The following CSMD3 variants were observed in gnomAD, a reference collection of about 807,000 sequenced individuals.
CSMD3 encodes the protein CUB and sushi domain-containing protein 3.
In CSMD3, 177 loss-of-function variants were observed where a neutral mutation model predicts 435.2. The ratio of observed to expected loss-of-function variants is 0.41; its 90% CI spans 0.36 to 0.46. The LOEUF is 0.46. Among genes scored for constraint, CSMD3 ranks in the 20% least tolerant of loss-of-function variants. The pLI is 0.34. For synonymous variants in CSMD3, 1,656 were observed against 1,520.5 expected (o/e 1.09, Z -2.07); for missense variants, 4,265 against 4,504.6 (o/e 0.95, Z 1.52).
intron 24 of CSMD3, 118 bp downstream of exon 24, chr8:112,573,383 A>G: frequency 1.1e-6 from 1 of 921,618 alleles, no homozygotes; most frequent in Non-Finnish European, 1.8e-6. Flanking sequence ...ATATATGTAG[A>G]AAGGAGCTGT....
In CSMD3 at chr8:112,548,859, TAA is replaced by T. The variant is rs913708309; in HGVS notation, c.4564+1810_4564+1811del. Among the ~76,000 whole-genome samples the T allele has an allele frequency of 2.8e-4, 42 of 152,078 alleles. 2 individuals are homozygous for T. Among genetic ancestry groups the T allele is most frequent in the Admixed American group, 2.6e-3 (39 of 15,250 alleles). On this transcript the variant is annotated intron_variant, in intron 27 of 70. Transcript: ENST00000297405. ...GCTCAGATCAAATTTCTATTCATCT[TAA>T]AAAAAACTTATGAAGGCAGAGTTAT...
At chr8:112,988,387 T>C (rs1350045982) in intron 6 of CSMD3, among the ~76,000 whole-genome samples, 2 of 152,084 alleles carry the variant, frequency 1.3e-5, no homozygotes, top group Non-Finnish European at 2.9e-5. Context: ...CAATAGCTTA[T>C]TTTTGCTTGT....
intron 1 of CSMD3, among the ~76,000 whole-genome samples, chr8:113,369,102 T>A (rs2094331570): frequency 1.3e-5 from 2 of 152,010 alleles, no homozygotes; most frequent in Admixed American, 6.6e-5. Context: ...ATTCCTGAGA[T>A]CAGCATATCT....
At chr8:112,248,691 G>T (rs1814985528) in intron 63 of CSMD3, among the ~76,000 whole-genome samples, 1 of 152,108 alleles carries the variant, frequency 6.6e-6, no homozygotes, top group Non-Finnish European at 1.5e-5. Flanking sequence ...TTGATACCAA[G>T]ATTCCATTTG....
rs982769566 is a variant in CSMD3, at chr8:113,293,218, TATATATTTATATATATAC to T, written c.402-14532_402-14515del. Among the ~76,000 whole-genome samples the T allele has an allele frequency of 5.2e-5, 7 of 134,656 alleles. No homozygotes were observed. In the East Asian group the frequency reaches 1.0e-3, roughly 19 times the overall value. 88.3% of individuals were successfully genotyped at this position (134,656 alleles called of 152,430 possible). On this transcript the variant is annotated intron_variant, in intron 2 of 70. Coordinates refer to ENST00000297405, the MANE Select transcript of CSMD3 (RefSeq NM_198123.2). ...CTCTTACCTGACCTTTAAGTATACA[TATATATTTATATATATAC>T]ATATATATATATGATTCCTATTTTA...
intron 45 of CSMD3, among the ~76,000 whole-genome samples, chr8:112,326,995 C>T (rs576214217): frequency 1.3e-5 from 2 of 152,084 alleles, no homozygotes; most frequent in Non-Finnish European, 2.9e-5. Flanking sequence ...GCACTCCAGC[C>T]TGGGCGACAG....
At chr8:112,655,309 C>T (rs1264937193) in intron 18 of CSMD3, among the ~76,000 whole-genome samples, 1 of 151,894 alleles carries the variant, frequency 6.6e-6, no homozygotes, top group Non-Finnish European at 1.5e-5. Flanking sequence ...GAAATAAAGA[C>T]ATATTTTAAT....
At chr8:113,028,167 C>T (rs907876499) in intron 5 of CSMD3, among the ~76,000 whole-genome samples, 1 of 152,056 alleles carries the variant, frequency 6.6e-6, no homozygotes, top group Non-Finnish European at 1.5e-5. Context: ...TCAAAATTTT[C>T]ATTATTATTT....
chr8:113,094,844 G>T (rs953029213), intron 5 of CSMD3, among the ~76,000 whole-genome samples: 1 of 151,946 alleles, frequency 6.6e-6, no homozygotes, highest in Non-Finnish European at 1.5e-5. Flanking sequence ...GGCCGAGGAC[G>T]GTAGATCACG....
At chr8:113,272,166 A>G (rs1238694750) in intron 3 of CSMD3, among the ~76,000 whole-genome samples, 1 of 152,072 alleles carries the variant, frequency 6.6e-6, no homozygotes, top group African/African-American at 2.4e-5. Context: ...TTCAGATGTG[A>G]CTTTGGACTG....
intron 7 of CSMD3, among the ~76,000 whole-genome samples, chr8:112,968,536 A>G (rs575276034): frequency 8.6e-5 from 13 of 151,926 alleles, no homozygotes; most frequent in African/African-American, 3.1e-4. Flanking sequence ...ATGGTTCCCT[A>G]CACTAAATTC....
chr8:112,225,874 C>T (rs917083195), intron 70 of CSMD3, among the ~76,000 whole-genome samples: 1 of 152,078 alleles, frequency 6.6e-6, no homozygotes, highest in Admixed American at 6.6e-5. Flanking sequence ...TTTATTTCTT[C>T]CACCTTTGAC....
intron 13 of CSMD3, among the ~76,000 whole-genome samples, chr8:112,777,352 T>C (rs2078272250): frequency 6.6e-6 from 1 of 151,834 alleles, no homozygotes; most frequent in Non-Finnish European, 1.5e-5. Context: ...TGTTTGAATT[T>C]TTCTATTTGT....
intron 5 of CSMD3, among the ~76,000 whole-genome samples, chr8:113,053,843 G>A (rs1400282759): frequency 6.6e-6 from 1 of 152,146 alleles, no homozygotes; most frequent in Non-Finnish European, 1.5e-5. Flanking sequence ...GAATAAAGAA[G>A]AGTAAGTGGA....
intron 1 of CSMD3, among the ~76,000 whole-genome samples, chr8:113,394,981 G>A (rs1199310691): frequency 1.3e-5 from 2 of 152,050 alleles, no homozygotes; most frequent in Admixed American, 6.6e-5. Flanking sequence ...CCAAGACATA[G>A]GGGCATGAAA....
chr8:112,964,978 G>A (rs192124265), intron 7 of CSMD3, among the ~76,000 whole-genome samples: 55 of 152,022 alleles, frequency 3.6e-4, no homozygotes, highest in African/African-American at 1.1e-3. Flanking sequence ...TTCACTCTGC[G>A]CACAGCAGGG....
chr8:112,524,987 G>T (rs1045843783), intron 27 of CSMD3, among the ~76,000 whole-genome samples: 1 of 151,572 alleles, frequency 6.6e-6, no homozygotes, highest in African/African-American at 2.4e-5. Context: ...AGTATTGCCA[G>T]AAACATTTTT....
chr8:112,309,771 T>A (rs969089469), intron 50 of CSMD3, among the ~76,000 whole-genome samples: 1 of 152,152 alleles, frequency 6.6e-6, no homozygotes, highest in African/African-American at 2.4e-5. Flanking sequence ...TTGAAAGCTA[T>A]CCTTTTATGA....
intron 6 of CSMD3, among the ~76,000 whole-genome samples, chr8:113,004,296 C>T (rs1433314479): frequency 1.3e-5 from 2 of 151,916 alleles, no homozygotes; most frequent in Non-Finnish European, 2.9e-5. Flanking sequence ...CTATGCAGAG[C>T]TATTAAGTTG....
Sources: gnomAD v4.1 joint callset for allele counts (sites outside exome capture counted in the v4.1 genomes callset) on GRCh38, gnomAD v4.1.1 for gene constraint, MANE v1.5 for transcripts, NCBI Gene and HGNC (gene_info 2026-07-23, HGNC 2026-07-21) for gene names.